GPR158: variants seen among roughly 807,000 people sequenced by gnomAD.
The protein encoded by GPR158 is metabotropic glycine receptor.
In GPR158, 30 loss-of-function variants were observed where a neutral mutation model predicts 78.2. The ratio of observed to expected loss-of-function variants is 0.38; its 90% CI spans 0.29 to 0.52. The LOEUF is 0.52. GPR158 is among the 20% of genes least tolerant of loss of function. The probability of loss-of-function intolerance (pLI) is 0.83; values close to 1 mark genes in which losing one functional copy is unlikely to be tolerated. For synonymous variants in GPR158, 581 were observed against 591.1 expected (o/e 0.98, Z 0.25); for missense variants, 1,463 against 1,523.5 (o/e 0.96, Z 0.66).
At chr10:25,595,160 C>A (rs932428977) in intron 9 of GPR158, among the ~76,000 whole-genome samples, 2 of 152,050 alleles carry the variant, frequency 1.3e-5, no homozygotes, top group Non-Finnish European at 2.9e-5. Flanking sequence ...CAGCTGAAAC[C>A]AGAATTATGA....
chr10:25,266,575 T>G (rs1854047495), intron 2 of GPR158, among the ~76,000 whole-genome samples: 1 of 152,202 alleles, frequency 6.6e-6, no homozygotes, highest in Non-Finnish European at 1.5e-5. Context: ...TATTGTCTTT[T>G]TTTACATTCT....
At chr10:25,218,057 G>A (rs750785628) in intron 1 of GPR158, among the ~76,000 whole-genome samples, 6 of 152,092 alleles carry the variant, frequency 3.9e-5, no homozygotes, top group Non-Finnish European at 8.8e-5. Context: ...GGGTCCTTAG[G>A]TGTTGGATCT....
Position 25,598,120 on chromosome 10 carries a change from A to G in GPR158, c.2494A>G (p.Ser832Gly), listed in dbSNP as rs765535075. 7.4e-6 allele frequency: 12 copies of G among 1,614,022 alleles called. No homozygotes were observed. Among genetic ancestry groups the G allele is most frequent in the Middle Eastern group, 3.3e-4 (2 of 6,084 alleles). Reference protein sequence around the residue: ...DHVRDQTEESSSLPTESQEEE... With the variant: ...DHVRDQTEESGSLPTESQEEE... ...CGTGAGAGACCAAACGGAAGAGTCC[A>G]GTAGCCTACCCACAGAAAGCCAAGA... Residue 832 changes from serine (S) to glycine (G), a missense_variant, in exon 11 of 11, where the codon AGT becomes GGT. Physicochemically the swap from Ser to Gly is moderately conservative, Grantham distance 56. Transcript: ENST00000376351.
Position 25,175,268 on chromosome 10 carries a change from G to A in GPR158, c.-153G>A. On this transcript the variant is annotated 5_prime_UTR_variant, in exon 1 of 11. Coordinates refer to ENST00000376351, the MANE Select transcript of GPR158 (RefSeq NM_020752.3). This position sits in a 1 kb window ranked among gnomAD's most constrained non-coding sequence, Gnocchi z 6.4. ...AGCTTAGCCACCCGGGGCCAATCTC[G>A]AAACATTCTTATTTTCAAGTCCTTT... 3.6e-6 allele frequency: 2 copies of A among 557,252 alleles called. No homozygotes were observed. Among genetic ancestry groups the A allele is most frequent in the Admixed American group, 7.2e-5 (2 of 27,790 alleles). The allele number at this position is 557,252 out of a possible 1,614,324, so 34.5% of individuals were successfully genotyped here.
intron 5 of GPR158, among the ~76,000 whole-genome samples, chr10:25,488,418 G>T (rs528902312): frequency 6.6e-6 from 1 of 152,206 alleles, no homozygotes; most frequent in East Asian, 1.9e-4. Flanking sequence ...CTCTATCTCT[G>T]CTATACATGT....
intron 5 of GPR158, among the ~76,000 whole-genome samples, chr10:25,497,478 C>T (rs1835897553): frequency 6.6e-6 from 1 of 152,134 alleles, no homozygotes; most frequent in Admixed American, 6.5e-5. Flanking sequence ...AAGCATTAAC[C>T]ATTTTTGTAA....
intron 2 of GPR158, among the ~76,000 whole-genome samples, chr10:25,373,471 CT>C (rs1192800091): frequency 6.6e-6 from 1 of 151,912 alleles, no homozygotes; most frequent in African/African-American, 2.4e-5. Context: ...AATCTACCGT[CT>C]GCTTTACATT....
At chr10:25,293,281 A>AC (rs887114339) in intron 2 of GPR158, among the ~76,000 whole-genome samples, 2 of 152,208 alleles carry the variant, frequency 1.3e-5, no homozygotes, top group Non-Finnish European at 2.9e-5. Flanking sequence ...ATGGTTACTT[A>AC]CTATATGGAG....
chr10:25,379,780 T>C (rs1479379318), intron 2 of GPR158, among the ~76,000 whole-genome samples: 2 of 151,650 alleles, frequency 1.3e-5, no homozygotes, highest in African/African-American at 4.8e-5. Context: ...GTGGCATCTC[T>C]TCTTCTTATC....
At chr10:25,288,075 C>T (rs1051286320) in intron 2 of GPR158, among the ~76,000 whole-genome samples, 1 of 151,836 alleles carries the variant, frequency 6.6e-6, no homozygotes. Context: ...ATAGCTAAAA[C>T]ATGCATAATG....
chr10:25,241,938 C>A (rs1244328597), intron 2 of GPR158, among the ~76,000 whole-genome samples: 1 of 152,168 alleles, frequency 6.6e-6, no homozygotes, highest in South Asian at 2.1e-4. Flanking sequence ...TTTAAAAAGT[C>A]TCTTGTACTT....
chr10:25,468,753 T>TA (rs1835456693), intron 5 of GPR158, among the ~76,000 whole-genome samples: 2 of 152,358 alleles, frequency 1.3e-5, no homozygotes, highest in East Asian at 1.9e-4. Context: ...TCAGCCAACT[T>TA]ACGTTCAGTG....
At chr10:25,393,048 C>T (rs947166594) in intron 2 of GPR158, among the ~76,000 whole-genome samples, 27 of 152,116 alleles carry the variant, frequency 1.8e-4, no homozygotes, top group African/African-American at 6.3e-4. Flanking sequence ...ATTCATGTTT[C>T]TGTGTTTTAT....
rs2130758390 is a variant in GPR158 at position 25,599,292 on chromosome 10, G to C, written c.*18G>C. ...AAGTGTAGCATCTCCAGGAAGAAGAGGAAAAGGAGGGAACCCCGGATTGGA... is the reference window on the plus strand; with the variant it reads ...AAGTGTAGCATCTCCAGGAAGAAGACGAAAAGGAGGGAACCCCGGATTGGA... On this transcript the variant is annotated 3_prime_UTR_variant, in exon 11 of 11. Coordinates refer to ENST00000376351, the MANE Select transcript of GPR158 (RefSeq NM_020752.3). The C allele has an allele frequency of 6.5e-7, 1 of 1,541,912 alleles. No individual in the cohort carries two copies. The highest frequency in any genetic ancestry group is 8.9e-7 in the Non-Finnish European group (1 of 1,128,570).
At chr10:25,370,868 T>C (rs550027743) in intron 2 of GPR158, among the ~76,000 whole-genome samples, 7 of 152,062 alleles carry the variant, frequency 4.6e-5, no homozygotes, top group African/African-American at 1.2e-4. Context: ...TGGGTACATA[T>C]ATATTAAGGA....
At chr10:25,544,122 C>T (rs1267344642) in intron 5 of GPR158, among the ~76,000 whole-genome samples, 1 of 152,144 alleles carries the variant, frequency 6.6e-6, no homozygotes, top group Non-Finnish European at 1.5e-5. Context: ...AACGCCTATA[C>T]TTTATATGCT....
At chr10:25,376,990 T>G (rs566000066) in intron 2 of GPR158, among the ~76,000 whole-genome samples, 2 of 151,790 alleles carry the variant, frequency 1.3e-5, no homozygotes, top group South Asian at 4.1e-4. Context: ...TTTTAAGAAG[T>G]TTTATTATGA....
intron 5 of GPR158, among the ~76,000 whole-genome samples, chr10:25,537,231 A>C (rs536163901): frequency 6.6e-6 from 1 of 152,316 alleles, no homozygotes; most frequent in African/African-American, 2.4e-5. Flanking sequence ...TATTCTATTG[A>C]ACTATCCATT....
intron 2 of GPR158, among the ~76,000 whole-genome samples, chr10:25,303,571 G>T (rs914221175): frequency 6.6e-6 from 1 of 152,104 alleles, no homozygotes; most frequent in African/African-American, 2.4e-5. Context: ...TAATAGTGGC[G>T]CAAACCGTTA....
Sources: allele counts gnomAD v4.1 joint callset (sites outside exome capture counted in the v4.1 genomes callset), GRCh38; gene constraint gnomAD v4.1.1; non-coding constraint Gnocchi (gnomAD v3.1); transcripts MANE v1.5; gene names NCBI Gene and HGNC (gene_info 2026-07-23, HGNC 2026-07-21).